CD99L2: variants seen among roughly 807,000 people sequenced by gnomAD.
The protein encoded by CD99L2 is CD99 molecule like 2.
In CD99L2, 24 loss-of-function variants were observed where a neutral mutation model predicts 27.3. The observed-to-expected ratio is 0.88, with a 90% CI of 0.64 to 1.24. CD99L2 has a LOEUF of 1.24. Ranked by LOEUF, CD99L2 falls within the 50% of genes most tolerant of loss-of-function variation. The pLI is 0.00. For synonymous variants in CD99L2, 97 were observed against 87.9 expected (o/e 1.10, Z -0.58); for missense variants, 255 against 221.6 (o/e 1.15, Z -0.96).
intron 2 of CD99L2, among the ~76,000 whole-genome samples, chrX:150,826,253 A>G (rs1461118747): frequency 8.9e-6 from 1 of 111,884 alleles, no homozygotes; most frequent in Non-Finnish European, 1.9e-5. Context: ...TTTATAAAGT[A>G]TCTAGTCAAA....
At chrX:150,847,829 A>T (rs2046725234) in intron 1 of CD99L2, among the ~76,000 whole-genome samples, 1 of 110,702 alleles carries the variant, frequency 9.0e-6, no homozygotes, top group South Asian at 3.9e-4. Flanking sequence ...GTCACCAAGA[A>T]CTGTCAATTC....
chrX:150,872,939 C>T (rs1326829897), intron 1 of CD99L2, among the ~76,000 whole-genome samples: 9 of 112,012 alleles, frequency 8.0e-5, no homozygotes, highest in African/African-American at 2.6e-4. Flanking sequence ...TGGTCACTCA[C>T]CACCTACAGC....
chrX:150,879,294 G>T lies in CD99L2; in HGVS notation c.67+19228C>A, dbSNP rs782659518. On this transcript the variant is annotated intron_variant, in intron 1 of 10. Transcript: ENST00000370377. ...ACTAGCTTATTAAAAGGGAGGCAGA[G>T]GAAAGAGAGATGTTGAAGGATGAAG... Among the ~76,000 whole-genome samples the T allele has an allele frequency of 3.6e-5, 4 of 111,806 alleles. No homozygotes were observed. The East Asian group carries it at 1.1e-3, about 32-fold the overall frequency.
At chrX:150,777,156 T>C in intron 8 of CD99L2, 1 of 370,317 alleles carries the variant, frequency 2.7e-6, no homozygotes, top group South Asian at 4.9e-5. Flanking sequence ...CGGCTCTCTC[T>C]CCCTCTGTAA....
At chrX:150,774,832 T>A (rs1043449256) in intron 9 of CD99L2, among the ~76,000 whole-genome samples, 1 of 112,103 alleles carries the variant, frequency 8.9e-6, no homozygotes, top group Non-Finnish European at 1.9e-5. Flanking sequence ...TCCTTGATTT[T>A]TGATTTGAGG....
chrX:150,795,455 C>T lies in CD99L2; in HGVS notation c.309G>A (p.Lys103=). Reference sequence around the variant, plus strand: ...CTGGAGCTCTGGTGGTTACTGGCCTCTTGGTCGTGGTGGTTACATGGTTCC... The same window carrying T: ...CTGGAGCTCTGGTGGTTACTGGCCTTTTGGTCGTGGTGGTTACATGGTTCC... The part of the protein sequence containing the change: ...ERWNHVTTTT[K]RPVTTRAPAN... Residue 103 remains lysine, a synonymous_variant, in exon 5 of 11, where the codon AAG becomes AAA. Coordinates refer to ENST00000370377, the MANE Select transcript of CD99L2 (RefSeq NM_031462.4). 1 of 1,211,364 alleles carries T rather than the reference C, an allele frequency of 8.3e-7. No homozygotes were observed. Among genetic ancestry groups the T allele is most frequent in the Non-Finnish European group, 1.1e-6 (1 of 895,427 alleles).
At chrX:150,775,589 T>C (rs996507114) in intron 9 of CD99L2, among the ~76,000 whole-genome samples, 4 of 112,856 alleles carry the variant, frequency 3.5e-5, no homozygotes, top group Non-Finnish European at 7.5e-5. Flanking sequence ...CACACCATTC[T>C]TTCTCTCACA....
rs2045415855 is a variant in CD99L2 at position 150,777,451 on chromosome X, A to G, written c.528T>C (p.Pro176=). 8.3e-7 allele frequency: 1 copy of G among 1,211,860 alleles called. No individual in the cohort carries two copies. The highest frequency in any genetic ancestry group is 2.2e-5 in the Admixed American group (1 of 46,062). Residue 176 remains proline, a synonymous_variant, in exon 8 of 11, where the codon CCT becomes CCC. Transcript: ENST00000370377. ...CAGGATTCAGAAACCCACCAGATCC[A>G]GGGTCGTCATTGCTGCCGTACCGGC... is the stretch of plus-strand genomic sequence containing the variant. The part of the protein sequence containing the change: ...GDGRYGSNDD[P]GSGMVAEPGT...
At chrX:150,850,717 T>C (rs2046777531) in intron 1 of CD99L2, among the ~76,000 whole-genome samples, 1 of 112,673 alleles carries the variant, frequency 8.9e-6, no homozygotes, top group Non-Finnish European at 1.9e-5. Context: ...AGGCCACTGA[T>C]GGGTTGAGCC....
At chrX:150,870,103 C>T (rs1557422150) in intron 1 of CD99L2, among the ~76,000 whole-genome samples, 1 of 111,850 alleles carries the variant, frequency 8.9e-6, no homozygotes, top group African/African-American at 3.3e-5. Context: ...AGGAAACATA[C>T]GAATAAAGCT....
chrX:150,820,972 T>C (rs988131514), intron 2 of CD99L2, among the ~76,000 whole-genome samples: 8 of 111,847 alleles, frequency 7.2e-5, no homozygotes, highest in African/African-American at 2.6e-4. Context: ...CAAGGAAGTA[T>C]AAAGACATGT....
chrX:150,769,077 T>A lies in CD99L2; in HGVS notation c.746A>T (p.Gln249Leu), dbSNP rs375281355. ...PQVKYSTLHT[Q>L]SAEPPPPPEP... ...GGGCGGCGGCGGCGGCTCTGCAGACTGCGTGTGCAACGTGGAGTATTTCAC... is the reference window on the plus strand; with the variant it reads ...GGGCGGCGGCGGCGGCTCTGCAGACAGCGTGTGCAACGTGGAGTATTTCAC... Residue 249 changes from glutamine to leucine, a missense_variant, in exon 11 of 11, where the codon CAG becomes CTG. Physicochemically the swap from Gln to Leu is moderately radical, Grantham distance 113 (BLOSUM62 -2). Transcript: ENST00000370377. The A allele has an allele frequency of 1.2e-4, 141 of 1,164,425 alleles. No homozygotes were observed. Among genetic ancestry groups the A allele is most frequent in the Non-Finnish European group, 1.6e-4 (138 of 878,706 alleles).
At chrX:150,862,881 AG>A (rs1557421937) in intron 1 of CD99L2, among the ~76,000 whole-genome samples, 3 of 96,977 alleles carry the variant, frequency 3.1e-5, no homozygotes, top group Non-Finnish European at 6.2e-5. Context: ...AGAAAGAAAA[AG>A]AAAGAAAGAA....
rs201459188 is a variant in CD99L2 at position 150,769,142 on chromosome X, C to T, written c.722-41G>A. ...GCCGTCAGAAGGAATTCTGCTCTGT[C>T]TTGCACAGAAGAAGCAAATACAGCA... is the stretch of plus-strand genomic sequence containing the variant. On this transcript the variant is annotated intron_variant, in intron 10 of 10. Coordinates refer to ENST00000370377, the MANE Select transcript of CD99L2 (RefSeq NM_031462.4). The T allele has an allele frequency of 3.5e-6, 4 of 1,140,463 alleles. No individual in the cohort carries two copies. The East Asian group carries it at 1.4e-4, about 39-fold the overall frequency. The allele number at this position is 1,140,463 out of a possible 1,213,427, so 94.0% of individuals were successfully genotyped here. A position where few individuals can be genotyped will look rare whatever the true frequency, so the allele number is the denominator to read the frequency against.
At chrX:150,816,328 C>G (rs1224265746) in intron 2 of CD99L2, 4 of 371,398 alleles carry the variant, frequency 1.1e-5, no homozygotes, top group African/African-American at 1.0e-4. Context: ...TCACATGTGA[C>G]CTGGTGATTA....
chrX:150,893,904 C>T (rs375427265), intron 1 of CD99L2, among the ~76,000 whole-genome samples: 6 of 110,438 alleles, frequency 5.4e-5, no homozygotes, highest in East Asian at 2.9e-4. Context: ...TTAGTAGAGA[C>T]GGGGTTTCAC....
In CD99L2 at chrX:150,769,052, GGGC is replaced by G; in HGVS notation, c.768_770del (p.Pro257del). ...AGGGCCCTCAGATCCGGGCTGGTTC[GGGC>G]GGCGGCGGCGGCTCTGCAGACTGCG... On this transcript the variant is annotated inframe_deletion, in exon 11 of 11. Coordinates refer to ENST00000370377, the MANE Select transcript of CD99L2 (RefSeq NM_031462.4). 4.6e-5 allele frequency: 53 copies of G among 1,154,336 alleles called. No individual in the cohort carries two copies. Among genetic ancestry groups the G allele is most frequent in the Middle Eastern group, 2.4e-4 (1 of 4,133 alleles).
rs5904288 is a variant in CD99L2 at position 150,838,678 on chromosome X, T to TA, written c.68-7386dup. ...CAACCCAACAAAAGTCACCAGAGGT[T>TA]AAAAAAAAAAAAAAAAAGAACTATG... On this transcript the variant is annotated intron_variant, in intron 1 of 10. Coordinates refer to ENST00000370377, the MANE Select transcript of CD99L2 (RefSeq NM_031462.4). Among the ~76,000 whole-genome samples, 251 of 86,216 alleles carry TA rather than the reference T, an allele frequency of 2.9e-3. 2 individuals are homozygous for TA. Among genetic ancestry groups the TA allele is most frequent in the African/African-American group, 8.6e-3 (202 of 23,502 alleles). 74.9% of individuals were successfully genotyped at this position (86,216 alleles called of 115,157 possible).
intron 4 of CD99L2, among the ~76,000 whole-genome samples, chrX:150,795,919 T>C (rs2045789528): frequency 8.9e-6 from 1 of 112,558 alleles, no homozygotes; most frequent in Admixed American, 9.4e-5. Context: ...TAGTATCTTA[T>C]ACACGGAAAG....
Sources: gnomAD v4.1 joint callset for allele counts (sites outside exome capture counted in the v4.1 genomes callset) on GRCh38, gnomAD v4.1.1 for gene constraint, MANE v1.5 for transcripts, NCBI Gene and HGNC (gene_info 2026-07-23, HGNC 2026-07-21) for gene names.